The following NEO1 variants were observed in gnomAD, a reference collection of about 807,000 sequenced individuals.
The protein encoded by NEO1 is neogenin 1.
Under a neutral mutation model 159.7 loss-of-function variants are expected in NEO1, and 63 were observed. That is an observed-to-expected ratio of 0.39 (90% CI 0.32 to 0.49). The LOEUF is 0.49. NEO1 is among the 20% of genes least tolerant of loss of function. The pLI, the probability that NEO1 is intolerant of heterozygous loss-of-function variation, is 0.85. For missense variants in NEO1, 1,615 were observed against 1,831.0 expected, an observed-to-expected ratio of 0.88 and a Z score of 2.15; for synonymous variants, 633 against 662.0, an observed-to-expected ratio of 0.96 and a Z score of 0.67.
chr15:73,094,325 T>C (rs144330100), intron 1 of NEO1, among the ~76,000 whole-genome samples: 3 of 152,318 alleles, frequency 2.0e-5, no homozygotes, highest in East Asian at 3.9e-4. Flanking sequence ...ATATGTGATC[T>C]TTTGTGCCTG....
chr15:73,132,664 A>G (rs147827801), intron 4 of NEO1, among the ~76,000 whole-genome samples: 8 of 152,358 alleles, frequency 5.3e-5, no homozygotes, highest in Non-Finnish European at 5.9e-5. Context: ...TCCAGAAGCT[A>G]GAAGGAACTC....
chr15:73,082,768 T>C (rs1261135686), intron 1 of NEO1, among the ~76,000 whole-genome samples: 1 of 152,196 alleles, frequency 6.6e-6, no homozygotes, highest in Non-Finnish European at 1.5e-5. Context: ...TAAAAATGTC[T>C]CTTGTCCTCC....
At chr15:73,205,791 C>T (rs1414141730) in intron 7 of NEO1, among the ~76,000 whole-genome samples, 2 of 152,194 alleles carry the variant, frequency 1.3e-5, no homozygotes, top group Non-Finnish European at 1.5e-5. Context: ...CATTCATTTT[C>T]AATTTTCCAG....
intron 1 of NEO1, among the ~76,000 whole-genome samples, chr15:73,066,831 C>G (rs1031852492): frequency 3.9e-5 from 6 of 152,170 alleles, no homozygotes; most frequent in Non-Finnish European, 7.3e-5. Flanking sequence ...TCAGCAGTAG[C>G]CTTTAGAATC....
Position 73,129,555 on chromosome 15 carries a change from A to G in NEO1, c.878+2985A>G, listed in dbSNP as rs187996281. The stretch of plus-strand genomic sequence containing the variant: ...TTGATCAAATTTGTTCAGATTTACA[A>G]TAATCATCGCTAATGAAAGAGGGGG... On this transcript the variant is annotated intron_variant, in intron 4 of 28. Transcript: ENST00000261908. Among the ~76,000 whole-genome samples, 322 of 152,358 alleles carry G rather than the reference A, an allele frequency of 2.1e-3. 2 individuals carry two copies. The highest frequency in any genetic ancestry group is 7.4e-3 in the African/African-American group (307 of 41,576).
At chr15:73,295,021 G>A (rs1029727523) in intron 26 of NEO1, among the ~76,000 whole-genome samples, 2 of 150,716 alleles carry the variant, frequency 1.3e-5, no homozygotes, top group South Asian at 4.3e-4. Context: ...GCTCATGCCT[G>A]TAATTCTAGC....
chr15:73,278,051 T>A, intron 21 of NEO1, 80 bp from the exon 22 acceptor site: 1 of 1,285,708 alleles, frequency 7.8e-7, no homozygotes, highest in African/African-American at 1.5e-5. Context: ...TGTTTTTTGT[T>A]TAAAACACTC....
At chr15:73,286,370 T>C (rs1431611782) in intron 23 of NEO1, among the ~76,000 whole-genome samples, 1 of 152,228 alleles carries the variant, frequency 6.6e-6, no homozygotes, top group Admixed American at 6.5e-5. Context: ...TCTTCTTTTG[T>C]ATCCATGACA....
chr15:73,101,649 CAT>C (rs1438465331), intron 1 of NEO1, among the ~76,000 whole-genome samples: 1 of 152,172 alleles, frequency 6.6e-6, no homozygotes, highest in Non-Finnish European at 1.5e-5. Context: ...TCTCAAGGGT[CAT>C]AGTCCTGTGC....
chr15:73,269,052 C>T (rs373431931), intron 16 of NEO1, among the ~76,000 whole-genome samples: 1 of 152,204 alleles, frequency 6.6e-6, no homozygotes, highest in East Asian at 1.9e-4. Context: ...GAAGAGTACA[C>T]CCTTGAGTTC....
intron 1 of NEO1, among the ~76,000 whole-genome samples, chr15:73,099,299 A>G (rs1021342928): frequency 5.3e-5 from 8 of 152,222 alleles, no homozygotes; most frequent in South Asian, 2.1e-4. Context: ...AAATTTGTCT[A>G]TGACAGGACG....
At chr15:73,226,313 T>A (rs1003337453) in intron 7 of NEO1, among the ~76,000 whole-genome samples, 9 of 152,202 alleles carry the variant, frequency 5.9e-5, no homozygotes, top group African/African-American at 2.2e-4. Context: ...TGCAGTCTAG[T>A]CCTGCCTCTC....
intron 7 of NEO1, among the ~76,000 whole-genome samples, chr15:73,200,983 T>G (rs2036849646): frequency 6.6e-6 from 1 of 152,086 alleles, no homozygotes; most frequent in Admixed American, 6.6e-5. Context: ...GGCCTGGCCT[T>G]CCTTTATCCT....
intron 5 of NEO1, among the ~76,000 whole-genome samples, chr15:73,175,209 A>C (rs2035213710): frequency 6.6e-6 from 1 of 152,230 alleles, no homozygotes; most frequent in Non-Finnish European, 1.5e-5. Context: ...ACAGAGGCTG[A>C]TACAGCTAAT....
At chr15:73,138,753 C>T (rs1250457638) in intron 5 of NEO1, among the ~76,000 whole-genome samples, 1 of 117,418 alleles carries the variant, frequency 8.5e-6, no homozygotes, top group Non-Finnish European at 1.6e-5. Context: ...GAGACTCCGT[C>T]TCAAAAAAAA....
Position 73,060,408 on chromosome 15 carries a change from C to T in NEO1, c.130+7603C>T, listed in dbSNP as rs1042657636. Among the ~76,000 whole-genome samples the T allele has an allele frequency of 2.6e-5, 4 of 151,862 alleles. No individual in the cohort carries two copies. The East Asian group carries it at 5.8e-4, about 22-fold the overall frequency. ...CCTCCCAAGTAGCTGGGACTACAGG[C>T]GTGCACCACCACACCCTGCTAATTT... On this transcript the variant is annotated intron_variant, in intron 1 of 28. Coordinates refer to ENST00000261908, the MANE Select transcript of NEO1 (RefSeq NM_002499.4).
chr15:73,209,657 C>T (rs994725536), intron 7 of NEO1, among the ~76,000 whole-genome samples: 2 of 152,068 alleles, frequency 1.3e-5, no homozygotes, highest in African/African-American at 2.4e-5. Context: ...GAATGGTAGA[C>T]ACACCATTAG....
chr15:73,280,402 A>C (rs890391310), intron 22 of NEO1, among the ~76,000 whole-genome samples: 1 of 152,212 alleles, frequency 6.6e-6, no homozygotes, highest in Non-Finnish European at 1.5e-5. Flanking sequence ...TCTTAGAAGA[A>C]AACTTTTGTC....
intron 1 of NEO1, among the ~76,000 whole-genome samples, chr15:73,101,232 AGT>A (rs1194368484): frequency 1.3e-5 from 2 of 152,334 alleles, no homozygotes; most frequent in East Asian, 3.9e-4. Context: ...TTAGTTTATA[AGT>A]GTGTTGCTTA....
Sources: gnomAD v4.1 joint callset for allele counts (sites outside exome capture counted in the v4.1 genomes callset) on GRCh38, gnomAD v4.1.1 for gene constraint, MANE v1.5 for transcripts, NCBI Gene and HGNC (gene_info 2026-07-23, HGNC 2026-07-21) for gene names.